PTBP2: variants seen among roughly 807,000 people sequenced by gnomAD.
PTBP2 encodes polypyrimidine tract-binding protein 2.
A neutral mutation model predicts 61.4 loss-of-function variants in PTBP2; 13 were observed. The observed-to-expected ratio is 0.21, with a 90% CI of 0.14 to 0.34. PTBP2 has a LOEUF of 0.34. PTBP2 is among the 10% of genes least tolerant of loss of function. The probability of loss-of-function intolerance (pLI) is 1.00; values close to 1 mark genes in which losing one functional copy is unlikely to be tolerated. For missense variants in PTBP2, 405 were observed against 642.6 expected (o/e 0.63, Z 4.00); for synonymous variants, 215 against 218.5 (o/e 0.98, Z 0.14).
At chr1:96,811,056 CTT>C (rs953809460) in intron 11 of PTBP2, among the ~76,000 whole-genome samples, 7 of 142,428 alleles carry the variant, frequency 4.9e-5, no homozygotes, top group African/African-American at 1.8e-4. Flanking sequence ...AGAGTGGACT[CTT>C]TTTTTTTTTA....
At chr1:96,726,874 C>T (rs994595819) in intron 2 of PTBP2, among the ~76,000 whole-genome samples, 2 of 152,096 alleles carry the variant, frequency 1.3e-5, no homozygotes, top group Non-Finnish European at 2.9e-5. Context: ...TGAGCCACCG[C>T]GTCCGGCCCA....
intron 3 of PTBP2, among the ~76,000 whole-genome samples, chr1:96,762,643 C>T (rs1200496394): frequency 1.1e-4 from 16 of 147,700 alleles, no homozygotes; most frequent in South Asian, 4.3e-4. Flanking sequence ...CCTCACCTCC[C>T]GGAAGGGGCG....
downstream of PTBP2, chr1:96,815,155 T>TTTATTG (rs1662423874): frequency 3.3e-5 from 5 of 151,896 alleles, no homozygotes; most frequent in South Asian, 1.0e-3. Context: ...AGACATAACT[T>TTTATTG]TTATTGTAGC....
exon 14 of PTBP2, chr1:96,820,996 A>G (rs923667845): frequency 1.3e-5 from 2 of 152,200 alleles, no homozygotes; most frequent in African/African-American, 2.4e-5. Flanking sequence ...GACATCAGGG[A>G]ACAGGAGGCT....
chr1:96,786,680 T>G (rs2101079328), intron 8 of PTBP2, among the ~76,000 whole-genome samples: 1 of 152,336 alleles, frequency 6.6e-6, no homozygotes, highest in African/African-American at 2.4e-5. Context: ...TACATTACTT[T>G]GTTAAAATAG....
At chr1:96,783,697 TCA>T (rs748124570) in intron 7 of PTBP2, among the ~76,000 whole-genome samples, 6 of 152,102 alleles carry the variant, frequency 3.9e-5, no homozygotes, top group Non-Finnish European at 7.4e-5. Flanking sequence ...ATTACTTATC[TCA>T]CATTTTCCCT....
rs35764825 is a variant in PTBP2 at position 96,796,290 on chromosome 1, C to CAA, written c.905-8495_905-8494dup. Among the ~76,000 whole-genome samples the CAA allele has an allele frequency of 1.0e-3, 127 of 123,098 alleles. 1 individual carries two copies. The highest frequency in any genetic ancestry group is 4.0e-3 in the East Asian group (18 of 4,464). 80.8% of individuals were successfully genotyped at this position (123,098 alleles called of 152,430 possible). A position where few individuals can be genotyped will look rare whatever the true frequency, so the allele number is the denominator to read the frequency against. Reference sequence around the variant, plus strand: ...CAACATATTAAGACCCCGTCTCCACCAAAAAAAAAAAAAAAAGAAGTAGGT... The same window carrying CAA: ...CAACATATTAAGACCCCGTCTCCACCAAAAAAAAAAAAAAAAAAGAAGTAGGT... On this transcript the variant is annotated intron_variant, in intron 8 of 13. Coordinates refer to ENST00000674951, the MANE Select transcript of PTBP2 (RefSeq NM_021190.4).
chr1:96,818,571 C>T (rs1662566026), downstream of PTBP2: 1 of 152,024 alleles, frequency 6.6e-6, no homozygotes, highest in Non-Finnish European at 1.5e-5. Flanking sequence ...TTAGTATCAC[C>T]TAGGAGTTTA....
intron 2 of PTBP2, among the ~76,000 whole-genome samples, chr1:96,734,169 C>G (rs1036242612): frequency 2.6e-5 from 4 of 152,174 alleles, no homozygotes; most frequent in Non-Finnish European, 2.9e-5. Context: ...GTATCATGAA[C>G]CATTGTGTAT....
At chr1:96,777,782 A>G (rs766612759) in intron 6 of PTBP2, 33 bp downstream of exon 6, 2 of 1,543,882 alleles carry the variant, frequency 1.3e-6, no homozygotes, top group Non-Finnish European at 1.8e-6. Flanking sequence ...CCTATAAATT[A>G]GAGAAATAAT....
chr1:96,766,891 T>G (rs1462748926), intron 3 of PTBP2, among the ~76,000 whole-genome samples: 1 of 152,126 alleles, frequency 6.6e-6, no homozygotes, highest in Non-Finnish European at 1.5e-5. Context: ...GAGCACAGAC[T>G]ATGGAATCAT....
In PTBP2 at chr1:96,813,661, C is replaced by CTTTTTTTTTTTTTTTTTTTTTTTTTTT. The variant is rs66475516; in HGVS notation, c.*277_*278insTTTTTTTTTTTTTTTTTTTTTTTTTTT. ...TGTTTAAAATTTCAGTTTAATTTTGCTTTTTTTTTTTTTTTTTTTTTCCTT... is the reference window on the plus strand; with the variant it reads ...TGTTTAAAATTTCAGTTTAATTTTGCTTTTTTTTTTTTTTTTTTTTTTTTTTTTTTTTTTTTTTTTTTTTTTTTCCTT... On this transcript the variant is annotated 3_prime_UTR_variant, in exon 14 of 14. Transcript: ENST00000674951. The CTTTTTTTTTTTTTTTTTTTTTTTTTTT allele has an allele frequency of 3.3e-5, 4 of 120,696 alleles. 1 individual carries two copies. Among genetic ancestry groups the CTTTTTTTTTTTTTTTTTTTTTTTTTTT allele is most frequent in the African/African-American group, 8.0e-5 (2 of 24,934 alleles). The allele number at this position is 120,696 out of a possible 1,614,324, so 7.5% of individuals were successfully genotyped here.
intron 11 of PTBP2, among the ~76,000 whole-genome samples, chr1:96,809,448 A>C (rs908810313): frequency 6.6e-6 from 1 of 152,208 alleles, no homozygotes; most frequent in Non-Finnish European, 1.5e-5. Context: ...TAACAAAAAG[A>C]TGCATATAAA....
intron 2 of PTBP2, among the ~76,000 whole-genome samples, chr1:96,739,595 T>C: frequency 6.7e-6 from 1 of 148,932 alleles, no homozygotes; most frequent in African/African-American, 2.5e-5. Context: ...GTCTGAATGC[T>C]ACAAAATCTG....
At chr1:96,779,652 C>G (rs1415886325) in intron 7 of PTBP2, among the ~76,000 whole-genome samples, 1 of 152,022 alleles carries the variant, frequency 6.6e-6, no homozygotes, top group Non-Finnish European at 1.5e-5. Flanking sequence ...AGTTATAATT[C>G]TAAGAGAGTA....
At chr1:96,793,789 T>G (rs1196501754) in intron 8 of PTBP2, among the ~76,000 whole-genome samples, 1 of 152,196 alleles carries the variant, frequency 6.6e-6, no homozygotes, top group Admixed American at 6.5e-5. Context: ...AATATTTGAA[T>G]GAATGTGTTT....
At chr1:96,778,934 C>T (rs1057495379) in intron 7 of PTBP2, among the ~76,000 whole-genome samples, 1 of 151,992 alleles carries the variant, frequency 6.6e-6, no homozygotes, top group African/African-American at 2.4e-5. Context: ...TAATAGTTTA[C>T]CAAGTGCCGT....
intron 2 of PTBP2, among the ~76,000 whole-genome samples, chr1:96,738,372 C>T (rs149854570): frequency 2.6e-5 from 4 of 152,050 alleles, no homozygotes; most frequent in Non-Finnish European, 4.4e-5. Context: ...CGGCTCACTG[C>T]AGGCCATTCT....
chr1:96,804,837 T>TGCTGCTGCAGCA lies in PTBP2; in HGVS notation c.954_965dup (p.Ala321_Ala324dup), dbSNP rs752209370. ...CTCTGAGTCCTTTGGCCATTCCAAA[T>TGCTGCTGCAGCA]GCTGCTGCAGCAGCTGCTGCAGCTG... On this transcript the variant is annotated inframe_insertion, in exon 9 of 14. Transcript: ENST00000674951. The TGCTGCTGCAGCA allele has an allele frequency of 1.9e-6, 3 of 1,611,782 alleles. No individual in the cohort carries two copies. Among genetic ancestry groups the TGCTGCTGCAGCA allele is most frequent in the African/African-American group, 1.3e-5 (1 of 74,864 alleles).
Sources: allele counts gnomAD v4.1 joint callset (sites outside exome capture counted in the v4.1 genomes callset), GRCh38; gene constraint gnomAD v4.1.1; transcripts MANE v1.5; gene names NCBI Gene and HGNC (gene_info 2026-07-23, HGNC 2026-07-21).